ASIC5: variants seen among roughly 807,000 people sequenced by gnomAD.
ASIC5 encodes bile acid-sensitive ion channel.
A neutral mutation model predicts 51.2 loss-of-function variants in ASIC5; 52 were observed. That is an observed-to-expected ratio of 1.02 (90% CI 0.81 to 1.28). ASIC5 has a LOEUF of 1.28. Ranked by LOEUF, ASIC5 falls within the 50% of genes most tolerant of loss-of-function variation. ASIC5 has a pLI of 0.00. For synonymous variants in ASIC5, 231 were observed against 200.7 expected (o/e 1.15, Z -1.28); for missense variants, 635 against 595.0 (o/e 1.07, Z -0.70).
At position 155,836,762 on chromosome 4, in the gene ASIC5, A is replaced by C; in HGVS notation, c.1162T>G (p.Tyr388Asp). 1 of 1,609,826 alleles carries C rather than the reference A, an allele frequency of 6.2e-7. No individual in the cohort carries two copies. The highest frequency in any genetic ancestry group is 8.5e-7 in the Non-Finnish European group (1 of 1,176,200). ...EEIEYPATIS[Y>D]SSFPSQKALK... ...GCTTTTTGACTTGGAAAAGAGGAAT[A>C]AGAAATAGTGGCCGGGTATTCTATT... The change falls in exon 8 of 10, where the codon TAT (tyrosine) becomes GAT (aspartate). Residue 388 changes from tyrosine (Y) to aspartate (D), a missense_variant. Transcript: ENST00000537611.
In ASIC5 at chr4:155,853,260, T is replaced by C. The variant is rs553040269; in HGVS notation, c.585+817A>G. 7.2e-5 allele frequency among the ~76,000 whole-genome samples: 11 copies of C among 152,122 alleles called. No individual in the cohort carries two copies. In the East Asian group the frequency reaches 1.6e-3, roughly 21 times the overall value. ...AGGCCAGAACCTCACCTCTGTGAAA[T>C]GTCTCTCAGGCATTTTTTTCTGCTT... On this transcript the variant is annotated intron_variant, in intron 3 of 9. Coordinates refer to ENST00000537611, the MANE Select transcript of ASIC5 (RefSeq NM_017419.3).
At chr4:155,844,598 G>C (rs1213312486) in intron 4 of ASIC5, among the ~76,000 whole-genome samples, 1 of 128,328 alleles carries the variant, frequency 7.8e-6, no homozygotes, top group Non-Finnish European at 1.7e-5. Flanking sequence ...TTTGTTGTTT[G>C]TTTCTCTCTT....
At chr4:155,839,531 ACTTAGT>A (rs1342277826) in intron 6 of ASIC5, among the ~76,000 whole-genome samples, 1 of 152,260 alleles carries the variant, frequency 6.6e-6, no homozygotes, top group East Asian at 1.9e-4. Context: ...GATTCTAAAG[ACTTAGT>A]CTTTTAGCCT....
At chr4:155,840,863 G>C (rs140025544) in intron 6 of ASIC5, among the ~76,000 whole-genome samples, 1 of 151,884 alleles carries the variant, frequency 6.6e-6, no homozygotes, top group Non-Finnish European at 1.5e-5. Context: ...ATATGTTGCA[G>C]ACCCTGCCTC....
intron 2 of ASIC5, among the ~76,000 whole-genome samples, chr4:155,862,973 A>G (rs1413339001): frequency 5.9e-5 from 9 of 152,128 alleles, no homozygotes; most frequent in African/African-American, 2.2e-4. Context: ...TTTGTTGTGC[A>G]ATTACCATAT....
rs1579287506 is a variant in ASIC5, at chr4:155,842,426, G to A, written c.862-72C>T. On this transcript the variant is annotated intron_variant, in intron 5 of 9. Coordinates refer to ENST00000537611, the MANE Select transcript of ASIC5 (RefSeq NM_017419.3). ...TTCACTTATTTTCCATCAAGAAGCTGGTACACATTTTTATTTTCCTCTCAG... is the reference window on the plus strand; with the variant it reads ...TTCACTTATTTTCCATCAAGAAGCTAGTACACATTTTTATTTTCCTCTCAG... 8 of 1,377,908 alleles carry A rather than the reference G, an allele frequency of 5.8e-6. No homozygotes were observed. In the East Asian group the frequency reaches 1.4e-4, roughly 25 times the overall value. The allele number at this position is 1,377,908 out of a possible 1,614,324, so 85.4% of individuals were successfully genotyped here.
At chr4:155,845,656 A>C (rs951038545) in intron 4 of ASIC5, among the ~76,000 whole-genome samples, 1 of 152,058 alleles carries the variant, frequency 6.6e-6, no homozygotes, top group Non-Finnish European at 1.5e-5. Flanking sequence ...GATCCAGTTA[A>C]AATATAGGTA....
intron 4 of ASIC5, among the ~76,000 whole-genome samples, chr4:155,848,788 C>G (rs114080939): frequency 5.9e-5 from 9 of 152,038 alleles, no homozygotes; most frequent in African/African-American, 2.2e-4. Context: ...CTAAAATGTT[C>G]ATGAGTATTA....
chr4:155,851,261 T>C (rs1348476373), intron 4 of ASIC5, among the ~76,000 whole-genome samples: 1 of 152,038 alleles, frequency 6.6e-6, no homozygotes, highest in Admixed American at 6.6e-5. Context: ...TACAAGTATA[T>C]GTAGGTACAT....
At chr4:155,860,441 CTAGAAAA>C (rs1376616381) in intron 2 of ASIC5, among the ~76,000 whole-genome samples, 1 of 151,748 alleles carries the variant, frequency 6.6e-6, no homozygotes, top group Non-Finnish European at 1.5e-5. Context: ...GCTCTGAGAA[CTAGAAAA>C]TAGCTTGAGT....
intron 2 of ASIC5, among the ~76,000 whole-genome samples, chr4:155,855,978 A>G (rs1741528087): frequency 6.6e-6 from 1 of 152,022 alleles, no homozygotes; most frequent in Non-Finnish European, 1.5e-5. Flanking sequence ...AAAAATAAAC[A>G]TTTGCCATCT....
intron 5 of ASIC5, among the ~76,000 whole-genome samples, chr4:155,843,462 T>C (rs1741166589): frequency 6.6e-6 from 1 of 152,088 alleles, no homozygotes; most frequent in Admixed American, 6.6e-5. Context: ...TAATGAAATG[T>C]AAAGTTTGGA....
At chr4:155,831,572 C>T (rs1740870530) in intron 9 of ASIC5, among the ~76,000 whole-genome samples, 1 of 152,132 alleles carries the variant, frequency 6.6e-6, no homozygotes, top group Non-Finnish European at 1.5e-5. Context: ...GAGATCGAGA[C>T]CATCCTGGCC....
intron 2 of ASIC5, chr4:155,854,725 T>C (rs1741483775): frequency 5.8e-6 from 1 of 171,140 alleles, no homozygotes. Flanking sequence ...AGTTTCACTG[T>C]CGTGCAGGAG....
At position 155,854,331 on chromosome 4, in the gene ASIC5, A is replaced by G; in HGVS notation, c.348-17T>C. ...GTTTGGAACCTATTAGCAGGAATGA[A>G]GGCAATAGTTAGAATAATGAAAACT... On this transcript the variant is annotated splice_polypyrimidine_tract_variant and intron_variant, in intron 2 of 9. Coordinates refer to ENST00000537611, the MANE Select transcript of ASIC5 (RefSeq NM_017419.3). The G allele has an allele frequency of 6.8e-7, 1 of 1,470,912 alleles. No homozygotes were observed. Among genetic ancestry groups the G allele is most frequent in the Non-Finnish European group, 9.5e-7 (1 of 1,053,008 alleles). The allele number at this position is 1,470,912 out of a possible 1,614,324, so 91.1% of individuals were successfully genotyped here.
chr4:155,852,436 G>C (rs1741404244), intron 3 of ASIC5, 120 bp from the exon 4 acceptor site: 2 of 798,574 alleles, frequency 2.5e-6, no homozygotes, highest in Non-Finnish European at 1.9e-6. Context: ...AAATATCAGA[G>C]AGAATAGTCT....
In ASIC5 at chr4:155,863,555, G is replaced by C; in HGVS notation, c.240C>G (p.Ile80Met). 1 of 1,613,780 alleles carries C rather than the reference G, an allele frequency of 6.2e-7. No homozygotes were observed. The highest frequency in any genetic ancestry group is 8.5e-7 in the Non-Finnish European group (1 of 1,179,894). Residue 80 changes from isoleucine to methionine, a missense_variant, in exon 2 of 10, where the codon ATC becomes ATG. Ile to Met is a conservative substitution (Grantham distance 10). Coordinates refer to ENST00000537611, the MANE Select transcript of ASIC5 (RefSeq NM_017419.3). Reference protein sequence around the residue: ...LGSVSLVTWQIYIRLLNYFTW... With the variant: ...LGSVSLVTWQMYIRLLNYFTW... ...TGAAGTAGTTGAGCAAGCGAATGTA[G>C]ATCTGCCATGTCACAAGTGAGACTG... is the stretch of plus-strand genomic sequence containing the variant.
chr4:155,839,442 T>A (rs542450042), intron 6 of ASIC5, among the ~76,000 whole-genome samples: 16 of 152,080 alleles, frequency 1.1e-4, no homozygotes, highest in Middle Eastern at 3.4e-3. Context: ...TAAGTACCAA[T>A]ATTTGTTAAG....
intron 5 of ASIC5, 60 bp downstream of exon 5, chr4:155,843,621 T>C: frequency 6.4e-7 from 1 of 1,558,890 alleles, no homozygotes; most frequent in Admixed American, 1.8e-5. Context: ...GTGAAAAGCA[T>C]TACTTATGTG....
Sources: allele counts gnomAD v4.1 joint callset (sites outside exome capture counted in the v4.1 genomes callset), GRCh38; gene constraint gnomAD v4.1.1; transcripts MANE v1.5; gene names NCBI Gene and HGNC (gene_info 2026-07-23, HGNC 2026-07-21).